The following OSTN variants were observed in gnomAD, a reference collection of about 807,000 sequenced individuals.
OSTN encodes osteocrin.
A neutral mutation model predicts 12.0 loss-of-function variants in OSTN; 9 were observed. The observed-to-expected ratio is 0.75, with a 90% CI of 0.45 to 1.30. The LOEUF (loss-of-function observed/expected upper bound fraction) is 1.30, where lower values mean the gene tolerates loss of function less well. Ranked by LOEUF, OSTN falls within the 50% of genes most tolerant of loss-of-function variation. The pLI is 0.00. For missense variants in OSTN, 148 were observed against 152.3 expected (o/e 0.97, Z 0.15); for synonymous variants, 59 against 56.9 (o/e 1.04, Z -0.16).
At chr3:191,220,904 A>G (rs35329870) in intron 3 of OSTN, among the ~76,000 whole-genome samples, 52,466 of 151,920 alleles carry the variant, frequency 0.35, 11,382 homozygotes, top group African/African-American at 0.6. Context: ...TTACATTGAA[A>G]CTTCACCACA....
At chr3:191,252,679 C>A (rs941922913) in intron 4 of OSTN, among the ~76,000 whole-genome samples, 4 of 152,154 alleles carry the variant, frequency 2.6e-5, no homozygotes, top group African/African-American at 9.7e-5. Flanking sequence ...TCACTGTCAC[C>A]AAGATTTCTC....
chr3:191,202,014 C>T (rs1221187219), intron 1 of OSTN, among the ~76,000 whole-genome samples: 1 of 152,060 alleles, frequency 6.6e-6, no homozygotes, highest in Non-Finnish European at 1.5e-5. Flanking sequence ...AAATGACATG[C>T]CTAATCAGGA....
intron 2 of OSTN, among the ~76,000 whole-genome samples, chr3:191,215,414 A>C (rs1212462233): frequency 6.6e-6 from 1 of 152,178 alleles, no homozygotes; most frequent in Admixed American, 6.5e-5. Context: ...AAACACAATC[A>C]TGCCTTCCCA....
At chr3:191,236,586 A>G (rs1715197674) in intron 3 of OSTN, among the ~76,000 whole-genome samples, 1 of 151,862 alleles carries the variant, frequency 6.6e-6, no homozygotes, top group East Asian at 1.9e-4. Context: ...GTGCGCTACT[A>G]CAAGGGCTTG....
intron 2 of OSTN, among the ~76,000 whole-genome samples, chr3:191,212,867 C>CTTTTTTTTTTTTTTTTTTTTT (rs397991965): frequency 3.2e-5 from 3 of 93,078 alleles, no homozygotes; most frequent in Admixed American, 1.5e-4. Flanking sequence ...TCTTTTCTTT[C>CTTTTTTTTTTTTTTTTTTTTT]TTTTTTTTTT....
intron 3 of OSTN, among the ~76,000 whole-genome samples, chr3:191,249,068 C>T (rs1236310154): frequency 1.3e-5 from 2 of 152,138 alleles, no homozygotes; most frequent in African/African-American, 2.4e-5. Flanking sequence ...ATAATATGCC[C>T]TCCTTTCTGA....
At chr3:191,201,972 T>C (rs1294516144) in intron 1 of OSTN, among the ~76,000 whole-genome samples, 1 of 152,168 alleles carries the variant, frequency 6.6e-6, no homozygotes, top group East Asian at 1.9e-4. Flanking sequence ...TTTGCCCTAT[T>C]TTTCTGAAGG....
intron 1 of OSTN, among the ~76,000 whole-genome samples, chr3:191,210,736 A>G (rs979883483): frequency 6.6e-6 from 1 of 152,116 alleles, no homozygotes; most frequent in East Asian, 1.9e-4. Flanking sequence ...AAGAAAATAG[A>G]GTTTCTTGAG....
chr3:191,256,782 A>G (rs1715680443), intron 4 of OSTN, among the ~76,000 whole-genome samples: 1 of 152,150 alleles, frequency 6.6e-6, no homozygotes, highest in South Asian at 2.1e-4. Flanking sequence ...AAGTTTATAA[A>G]CAAATCCATA....
chr3:191,210,300 G>A (rs983119976), intron 1 of OSTN, among the ~76,000 whole-genome samples: 12 of 152,146 alleles, frequency 7.9e-5, no homozygotes, highest in African/African-American at 2.4e-4. Flanking sequence ...GGCAACTCAC[G>A]GCAGTGCGTT....
intron 3 of OSTN, among the ~76,000 whole-genome samples, chr3:191,224,102 G>A (rs544344495): frequency 1.3e-5 from 2 of 152,226 alleles, no homozygotes; most frequent in Admixed American, 1.3e-4. Context: ...ATAAGGCCGG[G>A]CACCATGACT....
Position 191,250,035 on chromosome 3 carries a change from A to G in OSTN, c.318-2A>G, listed in dbSNP as rs1156445429. The G allele has an allele frequency of 6.2e-7, 1 of 1,611,250 alleles. No homozygotes were observed. The highest frequency in any genetic ancestry group is 1.3e-5 in the African/African-American group (1 of 74,980). On this transcript the variant is annotated splice_acceptor_variant, in intron 3 of 4. Coordinates refer to ENST00000682035, the MANE Select transcript of OSTN (RefSeq NM_198184.2). LOFTEE classifies it high-confidence loss of function. ...AAAAATGTCCTCCTTGGTTTGTTTCAGGAAAGTAGTAGATCATCCAAAAAG... is the reference window on the plus strand; with the variant it reads ...AAAAATGTCCTCCTTGGTTTGTTTCGGGAAAGTAGTAGATCATCCAAAAAG...
chr3:191,262,687 GA>G (rs1249774689), intron 4 of OSTN, among the ~76,000 whole-genome samples, 178 bp from the exon 5 acceptor site: 1 of 152,118 alleles, frequency 6.6e-6, no homozygotes, highest in African/African-American at 2.4e-5. Context: ...AATGTATTTT[GA>G]ACTGAAATTG....
chr3:191,199,561 G>C (rs1024374768), intron 1 of OSTN, among the ~76,000 whole-genome samples: 10 of 151,964 alleles, frequency 6.6e-5, no homozygotes, highest in African/African-American at 2.4e-4. Flanking sequence ...AACAGAAAGT[G>C]AATGCAAAAT....
intron 3 of OSTN, among the ~76,000 whole-genome samples, chr3:191,248,126 G>A (rs754838619): frequency 2.6e-5 from 4 of 151,994 alleles, no homozygotes; most frequent in Non-Finnish European, 5.9e-5. Context: ...GAGCCACTGC[G>A]CCGGGCCTCC....
Position 191,208,619 on chromosome 3 carries a change from C to A in OSTN, c.1-3914C>A, listed in dbSNP as rs567707328. ...ATACACCCAAGCACAAAAATATATA[C>A]CTCAGACATAATCATCAATATTGTA... On this transcript the variant is annotated intron_variant, in intron 1 of 4. Coordinates refer to ENST00000682035, the MANE Select transcript of OSTN (RefSeq NM_198184.2). Among the ~76,000 whole-genome samples the A allele has an allele frequency of 1.6e-4, 24 of 152,198 alleles. No individual in the cohort carries two copies. In the South Asian group the frequency reaches 5.0e-3, roughly 32 times the overall value.
intron 3 of OSTN, among the ~76,000 whole-genome samples, chr3:191,242,155 AC>A (rs1715334810): frequency 6.6e-6 from 1 of 152,198 alleles, no homozygotes. Context: ...ATAAAGCTAA[AC>A]CCCCACCTAT....
intron 4 of OSTN, among the ~76,000 whole-genome samples, chr3:191,258,829 T>C (rs1402322213): frequency 6.6e-6 from 1 of 152,150 alleles, no homozygotes; most frequent in African/African-American, 2.4e-5. Flanking sequence ...CCCCCTGTAG[T>C]AACAAGCATT....
At chr3:191,260,168 A>G (rs910919681) in intron 4 of OSTN, among the ~76,000 whole-genome samples, 1 of 151,434 alleles carries the variant, frequency 6.6e-6, no homozygotes, top group African/African-American at 2.4e-5. Flanking sequence ...TTTTAATTTA[A>G]TCTTCGCATC....
Sources: gnomAD v4.1 joint callset for allele counts (sites outside exome capture counted in the v4.1 genomes callset) on GRCh38, gnomAD v4.1.1 for gene constraint, MANE v1.5 for transcripts, NCBI Gene and HGNC (gene_info 2026-07-23, HGNC 2026-07-21) for gene names.